The following IL1RAPL1 variants were observed in gnomAD, a reference collection of about 807,000 sequenced individuals.
IL1RAPL1 encodes interleukin 1 receptor accessory protein like 1.
Under a neutral mutation model 48.4 loss-of-function variants are expected in IL1RAPL1, and 3 were observed. That is an observed-to-expected ratio of 0.06 (90% CI 0.03 to 0.16). The LOEUF (loss-of-function observed/expected upper bound fraction) is 0.16, where lower values mean the gene tolerates loss of function less well. Among genes scored for constraint, IL1RAPL1 ranks in the 10% least tolerant of loss-of-function variants. The probability of loss-of-function intolerance (pLI) is 1.00; values close to 1 mark genes in which losing one functional copy is unlikely to be tolerated. For missense variants in IL1RAPL1, 349 were observed against 530.6 expected, an observed-to-expected ratio of 0.66 and a Z score of 3.36; for synonymous variants, 185 against 187.7, an observed-to-expected ratio of 0.99 and a Z score of 0.12.
chrX:28,876,390 G>A (rs1922373725), intron 2 of IL1RAPL1, among the ~76,000 whole-genome samples: 1 of 112,156 alleles, frequency 8.9e-6, no homozygotes. Context: ...AGGGCAAGGT[G>A]GCAAAGAAGT....
intron 1 of IL1RAPL1, among the ~76,000 whole-genome samples, chrX:28,741,554 A>G (rs997103731): frequency 1.8e-5 from 2 of 112,078 alleles, no homozygotes; most frequent in Non-Finnish European, 3.8e-5. Flanking sequence ...CAAACCTTGA[A>G]GTACGTGCAA....
chrX:29,854,748 G>C (rs974770965), intron 6 of IL1RAPL1, among the ~76,000 whole-genome samples: 2 of 110,966 alleles, frequency 1.8e-5, no homozygotes, highest in Non-Finnish European at 3.8e-5. Context: ...AGTACAAAGC[G>C]AGGCACAGAG....
intron 6 of IL1RAPL1, among the ~76,000 whole-genome samples, chrX:29,731,597 A>G (rs1032959747): frequency 3.6e-5 from 4 of 112,142 alleles, no homozygotes; most frequent in Non-Finnish European, 7.5e-5. Flanking sequence ...TTTTCAATCT[A>G]ATAAACTTAC....
intron 9 of IL1RAPL1, among the ~76,000 whole-genome samples, chrX:29,950,311 C>T (rs1933289083): frequency 8.9e-6 from 1 of 111,985 alleles, no homozygotes; most frequent in South Asian, 3.7e-4. Flanking sequence ...GAATTCTTAG[C>T]TATTTTATTG....
intron 2 of IL1RAPL1, among the ~76,000 whole-genome samples, chrX:29,187,785 T>C (rs963711291): frequency 2.7e-5 from 3 of 111,549 alleles, no homozygotes. Context: ...TCCCCTATCC[T>C]CATACTCTTC....
chrX:29,867,575 T>A (rs1462467376), intron 6 of IL1RAPL1, among the ~76,000 whole-genome samples: 2 of 112,042 alleles, frequency 1.8e-5, no homozygotes, highest in Non-Finnish European at 3.8e-5. Context: ...TTCAGAACTT[T>A]GAGAAATAAA....
rs759470327 is a variant in IL1RAPL1, at chrX:29,008,239, G to A, written c.82+218814G>A. 4.6e-5 allele frequency among the ~76,000 whole-genome samples: 5 copies of A among 109,469 alleles called. No homozygotes were observed. The South Asian group carries it at 1.6e-3, about 35-fold the overall frequency. ...GGCTGGAGTGCAGTGGCGTGATCTC[G>A]GCTCACTGCAAGCTCCGCCTCCCGG... On this transcript the variant is annotated intron_variant, in intron 2 of 10. Coordinates refer to ENST00000378993, the MANE Select transcript of IL1RAPL1 (RefSeq NM_014271.4).
chrX:29,137,982 A>C (rs1376993569), intron 2 of IL1RAPL1, among the ~76,000 whole-genome samples: 5 of 112,853 alleles, frequency 4.4e-5, no homozygotes, highest in Non-Finnish European at 9.4e-5. Flanking sequence ...GCAACTATAA[A>C]GTGTTATTTA....
intron 2 of IL1RAPL1, among the ~76,000 whole-genome samples, chrX:28,874,016 G>A (rs1922302935): frequency 9.1e-6 from 1 of 109,731 alleles, no homozygotes; most frequent in Non-Finnish European, 1.9e-5. Context: ...GATGGATGGG[G>A]GAAAAAGAAG....
chrX:28,658,374 C>T (rs1249255307), intron 1 of IL1RAPL1, among the ~76,000 whole-genome samples: 6 of 111,086 alleles, frequency 5.4e-5, no homozygotes, highest in Non-Finnish European at 7.5e-5. Flanking sequence ...CTTGCCACCA[C>T]GCCTAGCTAA....
chrX:29,424,784 G>A (rs1324924875), intron 5 of IL1RAPL1, among the ~76,000 whole-genome samples: 1 of 111,600 alleles, frequency 9.0e-6, no homozygotes, highest in African/African-American at 3.3e-5. Flanking sequence ...AACTCAGTTA[G>A]GACTTCTTAA....
chrX:29,473,576 C>G (rs1934943094), intron 5 of IL1RAPL1, among the ~76,000 whole-genome samples: 1 of 108,432 alleles, frequency 9.2e-6, no homozygotes, highest in Non-Finnish European at 1.9e-5. Flanking sequence ...ACTCTTAATT[C>G]CATCTCACTG....
At position 29,803,016 on chromosome X, in the gene IL1RAPL1, T is replaced by C. The variant is rs1469119171; in HGVS notation, c.779-114448T>C. Among the ~76,000 whole-genome samples, 90 of 56,041 alleles carry C rather than the reference T, an allele frequency of 1.6e-3. 1 individual carries two copies. The highest frequency in any genetic ancestry group is 2.1e-3 in the South Asian group (3 of 1,398). 48.7% of individuals were successfully genotyped at this position (56,041 alleles called of 115,157 possible). On this transcript the variant is annotated intron_variant, in intron 6 of 10. Transcript: ENST00000378993. ...ATATATGTATGCATATATACATATGTGTACATATACATGTATGCATATATA... is the reference window on the plus strand; with the variant it reads ...ATATATGTATGCATATATACATATGCGTACATATACATGTATGCATATATA...
At chrX:28,942,696 T>G (rs1395656349) in intron 2 of IL1RAPL1, 1 of 107,932 alleles carries the variant, frequency 9.3e-6, no homozygotes, top group Non-Finnish European at 1.9e-5. Context: ...AATCGTAAGT[T>G]TTATAATGAC....
chrX:29,498,053 G>T (rs965327931), intron 5 of IL1RAPL1, among the ~76,000 whole-genome samples: 1 of 112,218 alleles, frequency 8.9e-6, no homozygotes, highest in Non-Finnish European at 1.9e-5. Flanking sequence ...TACTTGGCAC[G>T]CAATAAGGTT....
At chrX:29,051,716 A>G (rs946578756) in intron 2 of IL1RAPL1, among the ~76,000 whole-genome samples, 1 of 111,857 alleles carries the variant, frequency 8.9e-6, no homozygotes, top group African/African-American at 3.3e-5. Context: ...TATCATTCAG[A>G]CGTATGTGAA....
At chrX:28,924,654 G>A (rs1221092587) in intron 2 of IL1RAPL1, among the ~76,000 whole-genome samples, 1 of 111,594 alleles carries the variant, frequency 9.0e-6, no homozygotes, top group African/African-American at 3.3e-5. Context: ...GCCGAAACAT[G>A]AATCCTGGAA....
intron 3 of IL1RAPL1, among the ~76,000 whole-genome samples, chrX:29,373,386 T>C (rs1282959185): frequency 2.7e-5 from 3 of 112,055 alleles, no homozygotes; most frequent in Non-Finnish European, 5.6e-5. Flanking sequence ...AATTCTTATT[T>C]TCCTGTTTGG....
intron 6 of IL1RAPL1, among the ~76,000 whole-genome samples, chrX:29,738,450 C>CTTT (rs59952038): frequency 0.017 from 1,443 of 85,986 alleles, 35 homozygotes; most frequent in African/African-American, 0.064. Context: ...CTTTTCTTTT[C>CTTT]TTTTTTTTTT....
Sources: allele counts gnomAD v4.1 joint callset (sites outside exome capture counted in the v4.1 genomes callset), GRCh38; gene constraint gnomAD v4.1.1; transcripts MANE v1.5; gene names NCBI Gene and HGNC (gene_info 2026-07-23, HGNC 2026-07-21).